ROBO1: variants seen among roughly 807,000 people sequenced by gnomAD.
The protein encoded by ROBO1 is roundabout homolog 1.
A neutral mutation model predicts 195.9 loss-of-function variants in ROBO1; 149 were observed. The observed-to-expected ratio is 0.76, with a 90% CI of 0.67 to 0.87. ROBO1 has a LOEUF of 0.87. Ranked by LOEUF, ROBO1 falls within the 40% of genes least tolerant of loss-of-function variation. The pLI, the probability that ROBO1 is intolerant of heterozygous loss-of-function variation, is 0.00. For missense variants in ROBO1, 1,933 were observed against 2,068.3 expected, an observed-to-expected ratio of 0.93 and a Z score of 1.27; for synonymous variants, 816 against 733.2, an observed-to-expected ratio of 1.11 and a Z score of -1.82.
chr3:79,013,958 G>A (rs1219485244), intron 3 of ROBO1, among the ~76,000 whole-genome samples: 4 of 151,934 alleles, frequency 2.6e-5, no homozygotes. Flanking sequence ...CCATACAGAA[G>A]GTAACTACTT....
At chr3:78,975,339 G>T (rs532818338) in intron 3 of ROBO1, among the ~76,000 whole-genome samples, 3 of 152,168 alleles carry the variant, frequency 2.0e-5, no homozygotes, top group African/African-American at 4.8e-5. Flanking sequence ...TACATATAAG[G>T]GGAGTTTGAT....
chr3:79,746,735 A>G (rs1703892794), intron 1 of ROBO1, among the ~76,000 whole-genome samples: 1 of 152,066 alleles, frequency 6.6e-6, no homozygotes, highest in South Asian at 2.1e-4. Flanking sequence ...CAAATAAATC[A>G]AAACACATGA....
intron 4 of ROBO1, among the ~76,000 whole-genome samples, chr3:78,755,354 G>C (rs138226756): frequency 6.6e-6 from 1 of 152,074 alleles, no homozygotes; most frequent in Admixed American, 6.6e-5. Flanking sequence ...CTCACCAGTG[G>C]TTCTGGCTAG....
chr3:79,117,809 C>T lies in ROBO1; in HGVS notation c.172+7647G>A, dbSNP rs145607995. 5.2e-3 allele frequency among the ~76,000 whole-genome samples: 798 copies of T among 152,116 alleles called. 8 individuals carry two copies. The highest frequency in any genetic ancestry group is 0.018 in the African/African-American group (756 of 41,506). On this transcript the variant is annotated intron_variant, in intron 3 of 30. Transcript: ENST00000464233. ...AAATAAATGGAAGGTGGACTGATGTCTATGATAGTGAAAAAAATATTTACA... is the reference window on the plus strand; with the variant it reads ...AAATAAATGGAAGGTGGACTGATGTTTATGATAGTGAAAAAAATATTTACA...
intron 4 of ROBO1, among the ~76,000 whole-genome samples, chr3:78,851,093 C>A (rs1355660231): frequency 1.3e-5 from 2 of 152,126 alleles, no homozygotes; most frequent in Non-Finnish European, 2.9e-5. Context: ...CAGGTGTGAG[C>A]CACCACGCCC....
chr3:79,235,763 C>G (rs1427089092), intron 2 of ROBO1, among the ~76,000 whole-genome samples: 1 of 152,010 alleles, frequency 6.6e-6, no homozygotes, highest in African/African-American at 2.4e-5. Flanking sequence ...AGACAAATCT[C>G]CATATCAGAG....
chr3:79,281,747 T>C (rs978544297), intron 2 of ROBO1, among the ~76,000 whole-genome samples: 4 of 152,204 alleles, frequency 2.6e-5, no homozygotes, highest in African/African-American at 9.6e-5. Context: ...TCATTCATAT[T>C]CATAACTTTG....
chr3:78,810,472 G>T (rs1262121365), intron 4 of ROBO1, among the ~76,000 whole-genome samples: 2 of 151,618 alleles, frequency 1.3e-5, no homozygotes, highest in Admixed American at 6.6e-5. Context: ...CATTATTGAA[G>T]GAAAAAAAAT....
intron 5 of ROBO1, among the ~76,000 whole-genome samples, chr3:78,727,302 CAGGT>C (rs910150077): frequency 4.0e-5 from 6 of 151,880 alleles, no homozygotes; most frequent in African/African-American, 1.2e-4. Flanking sequence ...GTCATAGTCC[CAGGT>C]AGGTAGTGCA....
intron 4 of ROBO1, among the ~76,000 whole-genome samples, chr3:78,762,924 T>C (rs1414531174): frequency 6.6e-6 from 1 of 152,002 alleles, no homozygotes; most frequent in African/African-American, 2.4e-5. Flanking sequence ...TGTTCCAGGA[T>C]TGGAGGGGAT....
intron 2 of ROBO1, among the ~76,000 whole-genome samples, chr3:79,147,764 T>G (rs1010747327): frequency 4.6e-5 from 7 of 152,026 alleles, no homozygotes; most frequent in Non-Finnish European, 8.8e-5. Context: ...AATGTCAAAC[T>G]GAACACGGAA....
intron 3 of ROBO1, among the ~76,000 whole-genome samples, chr3:78,969,866 A>G (rs1345506875): frequency 6.6e-6 from 1 of 152,212 alleles, no homozygotes; most frequent in Non-Finnish European, 1.5e-5. Flanking sequence ...CAGACAGTTA[A>G]ATTACTTTAT....
intron 2 of ROBO1, among the ~76,000 whole-genome samples, chr3:79,485,796 TTCTC>T (rs925813570): frequency 3.5e-4 from 53 of 151,318 alleles, no homozygotes; most frequent in African/African-American, 1.2e-3. Flanking sequence ...GTGCGTAGTC[TTCTC>T]TCTAACACCT....
At chr3:78,884,864 T>TGTG (rs2036449413) in intron 4 of ROBO1, among the ~76,000 whole-genome samples, 25 of 67,592 alleles carry the variant, frequency 3.7e-4, no homozygotes, top group Non-Finnish European at 4.5e-4. Flanking sequence ...CTCTCTCTCT[T>TGTG]TCTGTGTGTG....
intron 2 of ROBO1, among the ~76,000 whole-genome samples, chr3:79,426,919 ATTG>A (rs1208941461): frequency 1.3e-5 from 2 of 152,174 alleles, no homozygotes; most frequent in Non-Finnish European, 2.9e-5. Flanking sequence ...TTGTCTGTTA[ATTG>A]TTATGATCAG....
intron 3 of ROBO1, among the ~76,000 whole-genome samples, chr3:78,959,808 T>G (rs2107824428): frequency 6.6e-6 from 1 of 152,294 alleles, no homozygotes; most frequent in Non-Finnish European, 1.5e-5. Flanking sequence ...CATCTGGTGT[T>G]TAATACACAG....
At chr3:79,408,263 C>A (rs1419392499) in intron 2 of ROBO1, among the ~76,000 whole-genome samples, 1 of 151,392 alleles carries the variant, frequency 6.6e-6, no homozygotes, top group East Asian at 1.9e-4. Flanking sequence ...TTGGGAGAAG[C>A]CTCCAAAAGA....
At chr3:78,964,602 C>T (rs972663799) in intron 3 of ROBO1, among the ~76,000 whole-genome samples, 1 of 152,080 alleles carries the variant, frequency 6.6e-6, no homozygotes. Flanking sequence ...TAGGAGCACT[C>T]AATTCACAGG....
At chr3:79,382,412 G>A (rs2036605607) in intron 2 of ROBO1, among the ~76,000 whole-genome samples, 1 of 151,756 alleles carries the variant, frequency 6.6e-6, no homozygotes, top group Admixed American at 6.6e-5. Flanking sequence ...GAAGCATTTG[G>A]AATATAAATT....
Sources: allele counts gnomAD v4.1 joint callset (sites outside exome capture counted in the v4.1 genomes callset), GRCh38; gene constraint gnomAD v4.1.1; transcripts MANE v1.5; gene names NCBI Gene and HGNC (gene_info 2026-07-23, HGNC 2026-07-21).